Variants in PAPPA2 observed in about 807,000 individuals in gnomAD.
PAPPA2 encodes the protein pappalysin-2.
A neutral mutation model predicts 176.4 loss-of-function variants in PAPPA2; 86 were observed. That is an observed-to-expected ratio of 0.49 (90% CI 0.41 to 0.58). PAPPA2 has a LOEUF of 0.58. Ranked by LOEUF, PAPPA2 falls within the 20% of genes least tolerant of loss-of-function variation. The pLI, the probability that PAPPA2 is intolerant of heterozygous loss-of-function variation, is 0.00. For missense variants in PAPPA2, 2,073 were observed against 2,256.9 expected (o/e 0.92, Z 1.65); for synonymous variants, 809 against 852.2 (o/e 0.95, Z 0.88).
At chr1:176,693,570 G>A (rs1463643510) in intron 6 of PAPPA2, among the ~76,000 whole-genome samples, 1 of 152,208 alleles carries the variant, frequency 6.6e-6, no homozygotes, top group Non-Finnish European at 1.5e-5. Flanking sequence ...AGGGAGAGAG[G>A]CAAGAGAGAG....
chr1:176,574,311 C>T (rs186756471), intron 2 of PAPPA2, among the ~76,000 whole-genome samples: 298 of 152,108 alleles, frequency 2.0e-3, no homozygotes, highest in African/African-American at 6.7e-3. Context: ...TTCTCCAGGA[C>T]CGTATAAATT....
intron 1 of PAPPA2, among the ~76,000 whole-genome samples, chr1:176,531,381 C>T (rs576883452): frequency 1.4e-4 from 22 of 152,254 alleles, no homozygotes; most frequent in Admixed American, 8.5e-4. Flanking sequence ...TCTGTCTGGG[C>T]GCTAGGGTGT....
intron 3 of PAPPA2, among the ~76,000 whole-genome samples, chr1:176,638,468 G>A (rs1656860098): frequency 6.6e-6 from 1 of 151,976 alleles, no homozygotes; most frequent in Non-Finnish European, 1.5e-5. Flanking sequence ...CGTTTTCATT[G>A]GCAGCCTCAG....
chr1:176,603,365 A>G (rs1164638260), intron 3 of PAPPA2, among the ~76,000 whole-genome samples: 1 of 152,140 alleles, frequency 6.6e-6, no homozygotes, highest in Non-Finnish European at 1.5e-5. Flanking sequence ...TATAAATGAA[A>G]TCTTGTTGGT....
intron 12 of PAPPA2, among the ~76,000 whole-genome samples, chr1:176,720,225 T>C (rs1368643933): frequency 6.6e-6 from 1 of 152,166 alleles, no homozygotes; most frequent in African/African-American, 2.4e-5. Flanking sequence ...AAACTAACTT[T>C]AAAAGCCCTC....
intron 3 of PAPPA2, among the ~76,000 whole-genome samples, chr1:176,654,435 T>A (rs1323420835): frequency 6.7e-6 from 1 of 149,136 alleles, no homozygotes. Context: ...ATATCAGATA[T>A]AATACATATA....
At chr1:176,596,364 A>G (rs1006503028) in intron 3 of PAPPA2, among the ~76,000 whole-genome samples, 1 of 152,102 alleles carries the variant, frequency 6.6e-6, no homozygotes, top group African/African-American at 2.4e-5. Context: ...ATTCTGTTCC[A>G]TTGAACAGAT....
chr1:176,789,733 A>G (rs1157302541), intron 17 of PAPPA2, 76 bp from the exon 18 acceptor site: 1 of 1,499,636 alleles, frequency 6.7e-7, no homozygotes, highest in South Asian at 1.2e-5. Context: ...TTCTTATGCC[A>G]TATTGCTGAG....
intron 4 of PAPPA2, among the ~76,000 whole-genome samples, 182 bp downstream of exon 4, chr1:176,671,297 T>A (rs1255173555): frequency 6.6e-6 from 1 of 152,176 alleles, no homozygotes; most frequent in East Asian, 1.9e-4. Flanking sequence ...TATAGACAAG[T>A]AAGAGGTATT....
intron 3 of PAPPA2, among the ~76,000 whole-genome samples, chr1:176,638,541 C>T (rs1178248041): frequency 6.6e-6 from 1 of 151,964 alleles, no homozygotes; most frequent in East Asian, 1.9e-4. Flanking sequence ...CAGTCTCCCC[C>T]ATTATTTAGG....
chr1:176,798,769 ACC>A (rs2102947408), intron 20 of PAPPA2, among the ~76,000 whole-genome samples: 1 of 152,254 alleles, frequency 6.6e-6, no homozygotes, highest in South Asian at 2.1e-4. Context: ...TATTTTGATA[ACC>A]CCTTTTTAAT....
chr1:176,653,875 G>A (rs1247010662), intron 3 of PAPPA2, among the ~76,000 whole-genome samples: 2 of 151,700 alleles, frequency 1.3e-5, no homozygotes, highest in Non-Finnish European at 2.9e-5. Flanking sequence ...GGAACATTTA[G>A]AATGATCTTC....
chr1:176,713,177 G>T (rs1480340550), intron 12 of PAPPA2, among the ~76,000 whole-genome samples: 4 of 149,448 alleles, frequency 2.7e-5, no homozygotes, highest in African/African-American at 7.4e-5. Context: ...TTTTTAAGAG[G>T]CAGGGTCTCG....
chr1:176,630,011 A>T (rs1656255324), intron 3 of PAPPA2, among the ~76,000 whole-genome samples: 1 of 151,788 alleles, frequency 6.6e-6, no homozygotes, highest in South Asian at 2.1e-4. Context: ...GTGAGCCGAG[A>T]TCACACCATT....
intron 14 of PAPPA2, among the ~76,000 whole-genome samples, chr1:176,750,601 T>C (rs527960138): frequency 3.9e-5 from 6 of 152,108 alleles, no homozygotes; most frequent in African/African-American, 1.4e-4. Flanking sequence ...CAAGACTCTG[T>C]CTCAAAAATC....
chr1:176,808,510 A>G (rs1045630543), intron 21 of PAPPA2, among the ~76,000 whole-genome samples: 5 of 152,250 alleles, frequency 3.3e-5, no homozygotes, highest in African/African-American at 9.6e-5. Flanking sequence ...AAACAGTGGT[A>G]AAACTGTAAT....
intron 3 of PAPPA2, among the ~76,000 whole-genome samples, chr1:176,649,724 T>C (rs1173975557): frequency 1.3e-5 from 2 of 151,616 alleles, no homozygotes; most frequent in East Asian, 3.9e-4. Context: ...TTCCTTTTGC[T>C]ATTAATTTCT....
At chr1:176,800,809 A>G (rs1368233688) in intron 21 of PAPPA2, among the ~76,000 whole-genome samples, 5 of 152,094 alleles carry the variant, frequency 3.3e-5, no homozygotes, top group Non-Finnish European at 7.4e-5. Context: ...TCATGCAGGC[A>G]TCTATGCTTG....
At position 176,594,532 on chromosome 1, in the gene PAPPA2, G is replaced by C. The variant is rs776451868; in HGVS notation, c.928G>C (p.Asp310His). 1.9e-6 allele frequency: 3 copies of C among 1,613,072 alleles called. No homozygotes were observed. The Admixed American group carries it at 5.0e-5, about 27-fold the overall frequency. Residue 310 changes from aspartate to histidine, a missense_variant, in exon 3 of 23, where the codon GAT becomes CAT. Physicochemically the swap from Asp to His is moderately conservative, Grantham distance 81. Coordinates refer to ENST00000367662, the MANE Select transcript of PAPPA2 (RefSeq NM_020318.3). ...NNPAIIAGVF[D>H]NCSHTVSDKG... ...TCTTCCTTCTTTCCCAGGTGTGTTT[G>C]ATAACTGCTCCCACACTGTCAGTGA...
Sources: gnomAD v4.1 joint callset for allele counts (sites outside exome capture counted in the v4.1 genomes callset) on GRCh38, gnomAD v4.1.1 for gene constraint, MANE v1.5 for transcripts, NCBI Gene and HGNC (gene_info 2026-07-23, HGNC 2026-07-21) for gene names.